The following BBX variants were observed in gnomAD, a reference collection of about 807,000 sequenced individuals.
BBX encodes the protein BBX high mobility group box domain containing.
Under a neutral mutation model 100.2 loss-of-function variants are expected in BBX, and 30 were observed. That is an observed-to-expected ratio of 0.30 (90% CI 0.22 to 0.41). The LOEUF (loss-of-function observed/expected upper bound fraction) is 0.41, where lower values mean the gene tolerates loss of function less well. Among genes scored for constraint, BBX ranks in the 10% least tolerant of loss-of-function variants. The pLI, the probability that BBX is intolerant of heterozygous loss-of-function variation, is 1.00. For synonymous variants in BBX, 376 were observed against 388.1 expected, an observed-to-expected ratio of 0.97 and a Z score of 0.37; for missense variants, 1,023 against 1,129.8, an observed-to-expected ratio of 0.91 and a Z score of 1.35.
At position 107,791,289 on chromosome 3, in the gene BBX, C is replaced by T; in HGVS notation, c.2343C>T (p.His781=). Residue 781 remains histidine (H), a synonymous_variant, in exon 15 of 18, where the codon CAC becomes CAT. Transcript: ENST00000325805. ...SNKQLFLDAI[H]PTEAIFSEDR... ...AGCAACTCTTCTTGGATGCCATTCA[C>T]CCTACAGAAGGTAAGACAAGCAATG... The T allele has an allele frequency of 6.2e-7, 1 of 1,612,514 alleles. No individual in the cohort carries two copies. The highest frequency in any genetic ancestry group is 8.5e-7 in the Non-Finnish European group (1 of 1,178,866).
At chr3:107,644,132 A>G (rs2057381290) in intron 2 of BBX, among the ~76,000 whole-genome samples, 1 of 152,172 alleles carries the variant, frequency 6.6e-6, no homozygotes, top group South Asian at 2.1e-4. Flanking sequence ...GAGTATATTC[A>G]ATTATATTAA....
intron 2 of BBX, among the ~76,000 whole-genome samples, chr3:107,538,803 T>A (rs546267779): frequency 1.3e-5 from 2 of 151,664 alleles, no homozygotes; most frequent in South Asian, 2.1e-4. Flanking sequence ...TTTTTTTTTT[T>A]AGGCAAGGTC....
In BBX at chr3:107,753,756, T is replaced by C. The variant is rs1358535618; in HGVS notation, c.826-1842T>C. 4.6e-5 allele frequency among the ~76,000 whole-genome samples: 7 copies of C among 152,222 alleles called. No homozygotes were observed. The East Asian group carries it at 1.3e-3, about 29-fold the overall frequency. ...ACAGCATGGGTGTGAAGTGCAGTGC[T>C]ACGCAGCTTGTGGTCCTTCAGTAAT... On this transcript the variant is annotated intron_variant, in intron 9 of 17. Transcript: ENST00000325805.
intron 3 of BBX, among the ~76,000 whole-genome samples, chr3:107,646,955 A>G (rs1171580102): frequency 1.3e-5 from 2 of 152,156 alleles, no homozygotes; most frequent in East Asian, 1.9e-4. Flanking sequence ...TTGTATACAT[A>G]GTAAAATGTA....
chr3:107,706,559 G>A (rs950470247), intron 3 of BBX, among the ~76,000 whole-genome samples: 1 of 152,060 alleles, frequency 6.6e-6, no homozygotes, highest in Non-Finnish European at 1.5e-5. Context: ...AGTTTTTCAA[G>A]TACAGAGTCC....
At chr3:107,791,773 C>G (rs1323069004) in intron 15 of BBX, among the ~76,000 whole-genome samples, 1 of 152,098 alleles carries the variant, frequency 6.6e-6, no homozygotes, top group Non-Finnish European at 1.5e-5. Context: ...GAGGCCAAGG[C>G]GGGCAGATCA....
intron 15 of BBX, among the ~76,000 whole-genome samples, chr3:107,797,337 A>AAT (rs369837058): frequency 0.013 from 519 of 39,336 alleles, 85 homozygotes; most frequent in African/African-American, 0.033. Flanking sequence ...TTTTCTTCCA[A>AAT]ATATATATAT....
chr3:107,705,958 TTTC>T (rs1434779792), intron 3 of BBX, among the ~76,000 whole-genome samples: 1 of 151,974 alleles, frequency 6.6e-6, no homozygotes, highest in African/African-American at 2.4e-5. Flanking sequence ...TTCTAAAATC[TTTC>T]TTCTTTAAGT....
At chr3:107,778,994 CATAT>C (rs1286419462) in intron 13 of BBX, among the ~76,000 whole-genome samples, 40 of 68,348 alleles carry the variant, frequency 5.9e-4, no homozygotes, top group Non-Finnish European at 9.2e-4. Flanking sequence ...CCTCCAGCAA[CATAT>C]ATATATATAT....
chr3:107,530,350 A>C (rs1484674174), intron 2 of BBX, among the ~76,000 whole-genome samples: 5 of 152,138 alleles, frequency 3.3e-5, no homozygotes. Context: ...GTGCCACAGC[A>C]CTCCAGCCTG....
intron 2 of BBX, among the ~76,000 whole-genome samples, chr3:107,536,397 C>A (rs1231104779): frequency 1.3e-5 from 2 of 152,068 alleles, no homozygotes; most frequent in Non-Finnish European, 2.9e-5. Flanking sequence ...TACCCTGATC[C>A]ATGAAACATG....
At chr3:107,559,278 A>G (rs1299884555) in intron 2 of BBX, among the ~76,000 whole-genome samples, 1 of 152,238 alleles carries the variant, frequency 6.6e-6, no homozygotes, top group African/African-American at 2.4e-5. Context: ...ACTGGATCAG[A>G]TAAGTAGGAG....
At chr3:107,718,294 G>C (rs1023139364) in intron 5 of BBX, among the ~76,000 whole-genome samples, 1 of 146,038 alleles carries the variant, frequency 6.8e-6, no homozygotes, top group Admixed American at 6.9e-5. Context: ...AATTATAATA[G>C]TATTAATATA....
intron 3 of BBX, among the ~76,000 whole-genome samples, chr3:107,650,057 T>G (rs961164750): frequency 1.3e-5 from 2 of 152,216 alleles, no homozygotes; most frequent in Admixed American, 1.3e-4. Context: ...ACTGTTTGGT[T>G]TCAGAAGAAA....
At chr3:107,573,940 C>G (rs1466521703) in intron 2 of BBX, among the ~76,000 whole-genome samples, 2 of 152,116 alleles carry the variant, frequency 1.3e-5, no homozygotes, top group African/African-American at 4.8e-5. Context: ...GGTCAGGCTG[C>G]TCTCAAACTC....
chr3:107,651,964 T>C (rs1350338908), intron 3 of BBX, among the ~76,000 whole-genome samples: 2 of 152,200 alleles, frequency 1.3e-5, no homozygotes, highest in East Asian at 3.8e-4. Context: ...GGGGCTTTAC[T>C]GGTTCAACCA....
intron 2 of BBX, among the ~76,000 whole-genome samples, chr3:107,544,383 G>A (rs1208124392): frequency 6.6e-6 from 1 of 152,074 alleles, no homozygotes; most frequent in East Asian, 1.9e-4. Context: ...GATGTGAATG[G>A]CATCTCTTAG....
chr3:107,702,999 C>T (rs1414068432), intron 3 of BBX, among the ~76,000 whole-genome samples: 1 of 152,082 alleles, frequency 6.6e-6, no homozygotes, highest in African/African-American at 2.4e-5. Flanking sequence ...GAGCATAGCT[C>T]AGCAGGTGAT....
chr3:107,571,382 G>A (rs942933269), intron 2 of BBX, among the ~76,000 whole-genome samples: 1 of 152,152 alleles, frequency 6.6e-6, no homozygotes, highest in Non-Finnish European at 1.5e-5. Flanking sequence ...AACACCAAGG[G>A]AAGACTGTCT....
Sources: allele counts gnomAD v4.1 joint callset (sites outside exome capture counted in the v4.1 genomes callset), GRCh38; gene constraint gnomAD v4.1.1; transcripts MANE v1.5; gene names NCBI Gene and HGNC (gene_info 2026-07-23, HGNC 2026-07-21).